The following ATXN2 variants were observed in gnomAD, a reference collection of about 807,000 sequenced individuals.
ATXN2 encodes the protein ataxin-2.
A neutral mutation model predicts 138.6 loss-of-function variants in ATXN2; 37 were observed. That is an observed-to-expected ratio of 0.27 (90% confidence interval 0.21 to 0.35). The LOEUF (loss-of-function observed/expected upper bound fraction) is 0.35. Ranked by LOEUF, ATXN2 falls within the 10% of genes least tolerant of loss-of-function variation. ATXN2 has a pLI of 1.00. For synonymous variants in ATXN2, 549 were observed against 543.7 expected (o/e 1.01, Z -0.13); for missense variants, 1,216 against 1,480.3 (o/e 0.82, Z 2.93).
Position 111,538,576 on chromosome 12 carries a change from C to T in ATXN2, c.572-13260G>A, listed in dbSNP as rs1046521927. On this transcript the variant is annotated intron_variant, in intron 5 of 24. Transcript: ENST00000673436. ...CCATATTGCCCAGGCTGGTCTTGAA[C>T]TACTGGGCTCAAGCAATTCATCTGC... Among the ~76,000 whole-genome samples the T allele has an allele frequency of 3.7e-5, 5 of 136,490 alleles. 1 individual carries two copies. The South Asian group carries it at 1.1e-3, about 31-fold the overall frequency. 89.5% of individuals were successfully genotyped at this position (136,490 alleles called of 152,430 possible). A position where few individuals can be genotyped will look rare whatever the true frequency, so the allele number is the denominator to read the frequency against.
intron 1 of ATXN2, among the ~76,000 whole-genome samples, chr12:111,575,350 A>C (rs1311744916): frequency 6.6e-6 from 1 of 151,892 alleles, no homozygotes; most frequent in Non-Finnish European, 1.5e-5. Flanking sequence ...ATCCCCCATT[A>C]ATTAAAAAAT....
At chr12:111,566,185 C>T (rs1882992968) in intron 1 of ATXN2, among the ~76,000 whole-genome samples, 1 of 152,074 alleles carries the variant, frequency 6.6e-6, no homozygotes, top group Non-Finnish European at 1.5e-5. Context: ...GTAATCTCAA[C>T]ACTTCGGAAG....
intron 14 of ATXN2, among the ~76,000 whole-genome samples, chr12:111,497,299 T>C (rs1164364519): frequency 6.6e-6 from 1 of 152,162 alleles, no homozygotes; most frequent in Non-Finnish European, 1.5e-5. Flanking sequence ...ACTAAACCTT[T>C]AAAGAAGAAC....
chr12:111,561,601 A>G (rs1882689462), intron 1 of ATXN2, among the ~76,000 whole-genome samples: 1 of 152,150 alleles, frequency 6.6e-6, no homozygotes, highest in Non-Finnish European at 1.5e-5. Context: ...CAAGAGGCCA[A>G]GGCGGGTGGA....
At chr12:111,461,994 A>C (rs113953934) in intron 21 of ATXN2, among the ~76,000 whole-genome samples, 3 of 151,884 alleles carry the variant, frequency 2.0e-5, no homozygotes, top group African/African-American at 7.2e-5. Context: ...AGGGAAAAGG[A>C]GAGTGGAGTG....
chr12:111,598,108 G>C lies in ATXN2; in HGVS notation c.251+676C>G. 8.9e-7 allele frequency: 1 copy of C among 1,118,758 alleles called. No individual in the cohort carries two copies. The highest frequency in any genetic ancestry group is 2.1e-5 in the South Asian group (1 of 47,684). 69.3% of individuals were successfully genotyped at this position (1,118,758 alleles called of 1,614,324 possible). A position where few individuals can be genotyped will look rare whatever the true frequency, so the allele number is the denominator to read the frequency against. On this transcript the variant is annotated intron_variant, in intron 1 of 24. Coordinates refer to ENST00000673436, the MANE Select transcript of ATXN2 (RefSeq NM_001372574.1). This position sits in a 1 kb window ranked among gnomAD's most constrained non-coding sequence, Gnocchi z 4.5. ...GGCCACATGGAGCCCCACGATTTCA[G>C]GGGAGTTCGGGAGCCCCCGCCGCCG...
chr12:111,571,755 C>T (rs528320033), intron 1 of ATXN2, among the ~76,000 whole-genome samples: 1 of 152,146 alleles, frequency 6.6e-6, no homozygotes, highest in Non-Finnish European at 1.5e-5. Flanking sequence ...CGGTGGCTCA[C>T]ACCTGTAATC....
intron 14 of ATXN2, among the ~76,000 whole-genome samples, chr12:111,495,706 C>T (rs911665253): frequency 6.6e-6 from 1 of 152,186 alleles, no homozygotes; most frequent in Non-Finnish European, 1.5e-5. Context: ...AACAAAGAAA[C>T]ATTAGACCTA....
At chr12:111,498,852 T>C (rs1377270721) in intron 14 of ATXN2, among the ~76,000 whole-genome samples, 1 of 152,040 alleles carries the variant, frequency 6.6e-6, no homozygotes, top group Non-Finnish European at 1.5e-5. Flanking sequence ...TAAAAAAAGA[T>C]ATAGATCAAT....
intron 14 of ATXN2, among the ~76,000 whole-genome samples, chr12:111,507,147 C>T: frequency 6.6e-6 from 1 of 150,900 alleles, no homozygotes; most frequent in South Asian, 2.1e-4. Flanking sequence ...GTGAGGAGCC[C>T]CTCTGCCCGG....
chr12:111,495,942 G>A (rs952224547), intron 14 of ATXN2, among the ~76,000 whole-genome samples: 19 of 143,956 alleles, frequency 1.3e-4, no homozygotes, highest in African/African-American at 4.0e-4. Context: ...TCAGGAGTTC[G>A]AAACAACCCT....
At chr12:111,480,810 G>C (rs1451482016) in intron 18 of ATXN2, among the ~76,000 whole-genome samples, 1 of 152,124 alleles carries the variant, frequency 6.6e-6, no homozygotes, top group Non-Finnish European at 1.5e-5. Flanking sequence ...AGAGATTGTA[G>C]ACTTAAATGT....
At chr12:111,584,600 G>C (rs769361405) in intron 1 of ATXN2, among the ~76,000 whole-genome samples, 2 of 151,738 alleles carry the variant, frequency 1.3e-5, no homozygotes, top group African/African-American at 4.8e-5. Flanking sequence ...TGGGAGTCGA[G>C]GTGGGCAGAT....
intron 14 of ATXN2, among the ~76,000 whole-genome samples, chr12:111,497,185 A>G (rs1044055079): frequency 1.3e-5 from 2 of 152,158 alleles, no homozygotes; most frequent in Admixed American, 6.5e-5. Flanking sequence ...CCCAAATACA[A>G]TAACAAGTAA....
At chr12:111,521,716 G>A (rs1880166566) in intron 6 of ATXN2, among the ~76,000 whole-genome samples, 1 of 152,176 alleles carries the variant, frequency 6.6e-6, no homozygotes, top group Non-Finnish European at 1.5e-5. Context: ...ATTCTACGAG[G>A]AAACTATAGG....
chr12:111,507,875 T>C (rs1879261719), intron 14 of ATXN2, among the ~76,000 whole-genome samples: 1 of 152,222 alleles, frequency 6.6e-6, no homozygotes, highest in Non-Finnish European at 1.5e-5. Flanking sequence ...AACCCTGTGC[T>C]CTCTGAAACA....
At chr12:111,500,880 TAAATA>T (rs1878722880) in intron 14 of ATXN2, among the ~76,000 whole-genome samples, 1 of 151,798 alleles carries the variant, frequency 6.6e-6, no homozygotes, top group Non-Finnish European at 1.5e-5. Flanking sequence ...TAAAAATAAA[TAAATA>T]AAATAAGTTT....
Position 111,457,376 on chromosome 12 carries a change from A to C in ATXN2, c.2897-17T>G. ...CCGTGGAAACTAAAGTGAAAGAAAAAGGAGCATGTACACAACCGATGTCTG... is the reference window on the plus strand; with the variant it reads ...CCGTGGAAACTAAAGTGAAAGAAAACGGAGCATGTACACAACCGATGTCTG... On this transcript the variant is annotated splice_polypyrimidine_tract_variant and intron_variant, in intron 21 of 24. Transcript: ENST00000673436. 2 of 1,600,734 alleles carry C rather than the reference A, an allele frequency of 1.2e-6. No individual in the cohort carries two copies. The highest frequency in any genetic ancestry group is 1.7e-6 in the Non-Finnish European group (2 of 1,173,174).
At chr12:111,592,569 G>A (rs1249209246) in intron 1 of ATXN2, among the ~76,000 whole-genome samples, 2 of 151,820 alleles carry the variant, frequency 1.3e-5, no homozygotes, top group East Asian at 3.9e-4. Flanking sequence ...GATCACCTGA[G>A]GTCAGGAGTT....
Sources: gnomAD v4.1 joint callset for allele counts (sites outside exome capture counted in the v4.1 genomes callset) on GRCh38, gnomAD v4.1.1 for gene constraint, Gnocchi (gnomAD v3.1) non-coding constraint, MANE v1.5 for transcripts, NCBI Gene and HGNC (gene_info 2026-07-23, HGNC 2026-07-21) for gene names.